The following NDUFAF6 variants were observed in gnomAD, a reference collection of about 807,000 sequenced individuals.
NDUFAF6 encodes the protein NADH dehydrogenase (ubiquinone) complex I, assembly factor 6.
A neutral mutation model predicts 40.8 loss-of-function variants in NDUFAF6; 45 were observed. The ratio of observed to expected loss-of-function variants is 1.10; its 90% confidence interval spans 0.87 to 1.42. The LOEUF (loss-of-function observed/expected upper bound fraction) is 1.42. Ranked by LOEUF, NDUFAF6 falls within the 40% of genes most tolerant of loss-of-function variation. NDUFAF6 has a pLI of 0.00. For synonymous variants in NDUFAF6, 185 were observed against 155.9 expected (o/e 1.19, Z -1.39); for missense variants, 435 against 418.5 (o/e 1.04, Z -0.34).
intron 2 of NDUFAF6, chr8:95,034,813 T>C (rs1829290410): frequency 6.6e-6 from 1 of 152,668 alleles, no homozygotes; most frequent in Non-Finnish European, 1.5e-5. Flanking sequence ...TTTAAGACCA[T>C]GTTCCTCATC....
At chr8:94,963,441 C>A (rs1823763950) in intron 1 of NDUFAF6, among the ~76,000 whole-genome samples, 1 of 152,140 alleles carries the variant, frequency 6.6e-6, no homozygotes, top group Admixed American at 6.5e-5. Context: ...AGGAACCCTA[C>A]CTAAGGAGGT....
chr8:95,117,097 T>C (rs1018524929), downstream of NDUFAF6, among the ~76,000 whole-genome samples: 58 of 152,170 alleles, frequency 3.8e-4, no homozygotes, highest in African/African-American at 1.3e-3. Context: ...TCCAGGAGCA[T>C]GGGATACCCT....
chr8:94,950,743 A>T (rs1386206624), intron 2 of NDUFAF6: 2 of 152,154 alleles, frequency 1.3e-5, no homozygotes, highest in Non-Finnish European at 2.9e-5. Flanking sequence ...CTATGGTAGG[A>T]GCCCCATGAT....
At chr8:95,020,154 G>A (rs1405933795), upstream of NDUFAF6, among the ~76,000 whole-genome samples, 2 of 152,120 alleles carry the variant, frequency 1.3e-5, no homozygotes, top group African/African-American at 2.4e-5. Flanking sequence ...AGCGGAGATC[G>A]CACCATTGCA....
At chr8:94,898,247 A>G (rs998848992) in intron 1 of NDUFAF6, among the ~76,000 whole-genome samples, 4 of 152,076 alleles carry the variant, frequency 2.6e-5, no homozygotes, top group African/African-American at 7.2e-5. Context: ...CTTTATTCCT[A>G]TGTCTTTAGT....
chr8:94,949,780 G>T (rs1822410606), intron 2 of NDUFAF6, among the ~76,000 whole-genome samples: 1 of 152,186 alleles, frequency 6.6e-6, no homozygotes, highest in Non-Finnish European at 1.5e-5. Flanking sequence ...CGAGGGTTTG[G>T]GGCACAAAGG....
downstream of NDUFAF6, among the ~76,000 whole-genome samples, chr8:95,060,157 A>G (rs1183393141): frequency 6.6e-6 from 1 of 152,184 alleles, no homozygotes; most frequent in African/African-American, 2.4e-5. Context: ...ATTTGGATGA[A>G]CTAAAGTTAC....
At chr8:94,925,438 T>C (rs1010775489) in intron 1 of NDUFAF6, among the ~76,000 whole-genome samples, 2 of 152,210 alleles carry the variant, frequency 1.3e-5, no homozygotes, top group Admixed American at 6.5e-5. Context: ...AAAGCCAGTG[T>C]ATTACATTCT....
chr8:95,065,085 A>G (rs892885581), intron 9 of NDUFAF6, among the ~76,000 whole-genome samples: 37 of 152,298 alleles, frequency 2.4e-4, no homozygotes, highest in African/African-American at 8.4e-4. Flanking sequence ...GCAGCTCTTC[A>G]TCTGTATCCT....
At chr8:94,913,062 A>C (rs767977791) in intron 1 of NDUFAF6, among the ~76,000 whole-genome samples, 21 of 152,228 alleles carry the variant, frequency 1.4e-4, no homozygotes, top group Non-Finnish European at 2.4e-4. Flanking sequence ...TTTTCTAAGG[A>C]AAACATTTTA....
rs777177008 is a variant in NDUFAF6 at position 95,045,596 on chromosome 8, T to G, written c.529T>G (p.Tyr177Asp). The G allele has an allele frequency of 6.2e-7, 1 of 1,613,598 alleles. No homozygotes were observed. The highest frequency in any genetic ancestry group is 8.5e-7 in the Non-Finnish European group (1 of 1,179,714). The change falls in exon 5 of 9, where the codon TAT becomes GAT. Residue 177 changes from tyrosine (Y) to aspartate (D), a missense_variant. Physicochemically the swap from Tyr to Asp is radical, Grantham distance 160. Coordinates refer to ENST00000396124, the MANE Select transcript of NDUFAF6 (RefSeq NM_152416.4). ...AYRNIKELENYAENTQSSLLY... is the reference protein window; with the variant it reads ...AYRNIKELENDAENTQSSLLY... ...TCGTAATATCAAGGAACTGGAAAAT[T>G]ATGCTGAAAACACACAGAGCTCTCT...
downstream of NDUFAF6, among the ~76,000 whole-genome samples, chr8:95,116,628 G>C (rs1212103993): frequency 9.2e-5 from 14 of 152,176 alleles, no homozygotes; most frequent in Non-Finnish European, 1.9e-4. Flanking sequence ...TGGAATTACA[G>C]GTGTGAGCCA....
rs1024741075 is a variant in NDUFAF6 at position 95,090,802 on chromosome 8, G to A, written n.214-10330G>A. ...GGGCACAATCTAATCAGCTTCCAAC[G>A]AATATAAAGCAGGCAGAAAAACACA... On this transcript the variant is annotated intron_variant and non_coding_transcript_variant, in intron 2 of 5. Coordinates refer to the NDUFAF6 transcript ENST00000523184. 8.6e-4 allele frequency among the ~76,000 whole-genome samples: 131 copies of A among 152,182 alleles called. 1 individual carries two copies. Among genetic ancestry groups the A allele is most frequent in the African/African-American group, 3.0e-3 (123 of 41,544 alleles).
intron 4 of NDUFAF6, among the ~76,000 whole-genome samples, chr8:95,109,521 A>T (rs1282394972): frequency 1.3e-5 from 2 of 152,194 alleles, no homozygotes; most frequent in Non-Finnish European, 2.9e-5. Flanking sequence ...CCATGATAAG[A>T]TGTATAAATG....
intron 1 of NDUFAF6, chr8:94,941,048 G>C: frequency 2.7e-6 from 2 of 752,216 alleles, no homozygotes; most frequent in Non-Finnish European, 4.4e-6. Flanking sequence ...AAGTGCACAG[G>C]GTGCTTATTC....
chr8:94,916,506 A>G (rs1563706399), intron 1 of NDUFAF6, among the ~76,000 whole-genome samples: 1 of 152,248 alleles, frequency 6.6e-6, no homozygotes, highest in Non-Finnish European at 1.5e-5. Flanking sequence ...ATTTTAGCTT[A>G]TTCCACCTAT....
At chr8:95,093,887 T>C (rs1809350982) in intron 2 of NDUFAF6, among the ~76,000 whole-genome samples, 1 of 152,080 alleles carries the variant, frequency 6.6e-6, no homozygotes, top group Admixed American at 6.5e-5. Context: ...CCACAGTTGT[T>C]CTTCCCTCAC....
At chr8:95,009,953 G>A (rs1827161631) in intron 2 of NDUFAF6, among the ~76,000 whole-genome samples, 1 of 152,132 alleles carries the variant, frequency 6.6e-6, no homozygotes, top group Admixed American at 6.5e-5. Flanking sequence ...GCAAAATACA[G>A]AATGCCCTCC....
chr8:95,035,898 C>G (rs1010786945), intron 3 of NDUFAF6, among the ~76,000 whole-genome samples: 8 of 152,328 alleles, frequency 5.3e-5, no homozygotes, highest in African/African-American at 1.9e-4. Flanking sequence ...GTAAAATGTT[C>G]TGTTCTCTCT....
Sources: gnomAD v4.1 joint callset for allele counts (sites outside exome capture counted in the v4.1 genomes callset) on GRCh38, gnomAD v4.1.1 for gene constraint, MANE v1.5 for transcripts, NCBI Gene and HGNC (gene_info 2026-07-23, HGNC 2026-07-21) for gene names.